The following HTR3C variants were observed in gnomAD, a reference collection of about 807,000 sequenced individuals.
The protein encoded by HTR3C is 5-hydroxytryptamine receptor 3C.
In HTR3C, 32 loss-of-function variants were observed where a neutral mutation model predicts 40.5. The ratio of observed to expected loss-of-function variants is 0.79; its 90% CI spans 0.60 to 1.06. The LOEUF is 1.06. HTR3C is among the 50% of genes least tolerant of loss of function. The probability of loss-of-function intolerance (pLI) is 0.00; values close to 1 mark genes in which losing one functional copy is unlikely to be tolerated. For synonymous variants in HTR3C, 209 were observed against 217.1 expected, an observed-to-expected ratio of 0.96 and a Z score of 0.33; for missense variants, 523 against 556.8, an observed-to-expected ratio of 0.94 and a Z score of 0.61.
chr3:184,055,991 A>AAGGC (rs1462665978), intron 3 of HTR3C, among the ~76,000 whole-genome samples, 186 bp from the exon 4 acceptor site: 1 of 151,162 alleles, frequency 6.6e-6, no homozygotes, highest in Non-Finnish European at 1.5e-5. Context: ...TGCCTGCCAA[A>AAGGC]AGGCTATCAA....
chr3:184,059,680 G>A (rs780001708), intron 7 of HTR3C, 40 bp downstream of exon 7: 27 of 1,608,988 alleles, frequency 1.7e-5, no homozygotes, highest in Middle Eastern at 1.7e-4. Context: ...AAGGGCACCC[G>A]GGGCCAGGGA....
In HTR3C at chr3:184,060,158, G is replaced by A. The variant is rs573763258; in HGVS notation, c.1150G>A (p.Glu384Lys). 13 of 1,613,916 alleles carry A rather than the reference G, an allele frequency of 8.1e-6. No individual in the cohort carries two copies. The African/African-American group carries it at 1.6e-4, about 20-fold the overall frequency. The change falls in exon 9 of 9, where the codon GAG (glutamate) becomes AAG (lysine). Residue 384 changes from glutamate to lysine, a missense_variant. Transcript: ENST00000318351. ...LTLTHLPGPKEPGELAGKKLG... is the reference protein window; with the variant it reads ...LTLTHLPGPKKPGELAGKKLG... ...CTCTGTCCTCTCCACAGGCCCAAAGGAGCCGGGGGAGTTAGCAGGGAAGAA... is the reference window on the plus strand; with the variant it reads ...CTCTGTCCTCTCCACAGGCCCAAAGAAGCCGGGGGAGTTAGCAGGGAAGAA...
chr3:184,053,264 C>A, intron 1 of HTR3C, 117 bp downstream of exon 1: 1 of 742,062 alleles, frequency 1.3e-6, no homozygotes, highest in Non-Finnish European at 2.3e-6. Flanking sequence ...TCCATAATGT[C>A]TGTGTCCTGA....
chr3:184,056,908 T>G lies in HTR3C; in HGVS notation c.423T>G (p.Thr141=). ...MDVDQTPSGL[T]AYISSEGRIK... is the part of the protein sequence containing the mutation. ...TGGATCAGACGCCTTCCGGTCTCAC[T>G]GCCTATATCAGCAGTGAAGGTCGAA... The change falls in exon 5 of 9, where the codon ACT becomes ACG. Residue 141 remains threonine (T), a synonymous_variant. Transcript: ENST00000318351. 3 of 1,612,342 alleles carry G rather than the reference T, an allele frequency of 1.9e-6. No homozygotes were observed. The highest frequency in any genetic ancestry group is 2.5e-6 in the Non-Finnish European group (3 of 1,178,756).
Position 184,056,272 on chromosome 3 carries a change from C to T in HTR3C, c.375C>T (p.Ile125=). 1 of 1,611,974 alleles carries T rather than the reference C, an allele frequency of 6.2e-7. No homozygotes were observed. Among genetic ancestry groups the T allele is most frequent in the Non-Finnish European group, 8.5e-7 (1 of 1,178,012 alleles). Residue 125 remains isoleucine, a synonymous_variant, in exon 4 of 9, where the codon ATC becomes ATT. Transcript: ENST00000318351. The part of the protein sequence containing the change: ...VLAENLWLPD[I]FIVESMDVDQ... The stretch of plus-strand genomic sequence containing the variant: ...CTGAAAACCTGTGGCTCCCAGACAT[C>T]TTCATCGTGGAATCGTGCGTATGCA...
chr3:184,058,615 C>T, intron 6 of HTR3C, 28 bp downstream of exon 6: 5 of 1,597,856 alleles, frequency 3.1e-6, no homozygotes, highest in Non-Finnish European at 3.4e-6. Flanking sequence ...TGTTTGACTT[C>T]TGATCCCAGC....
chr3:184,056,359 T>TG (rs1244767170), intron 4 of HTR3C, 73 bp downstream of exon 4: 1 of 966,926 alleles, frequency 1.0e-6, no homozygotes, highest in Non-Finnish European at 1.7e-6. Context: ...GCACAGGGCA[T>TG]GGGGCCACCG....
At chr3:184,056,420 T>A in intron 4 of HTR3C, 134 bp downstream of exon 4, 1 of 670,556 alleles carries the variant, frequency 1.5e-6, no homozygotes, top group Non-Finnish European at 2.7e-6. Flanking sequence ...CACACATCAC[T>A]ACGAGTAGAA....
intron 2 of HTR3C, 88 bp from the exon 3 acceptor site, chr3:184,055,224 T>G: frequency 1.1e-6 from 1 of 914,400 alleles, no homozygotes; most frequent in Non-Finnish European, 1.8e-6. Context: ...CCTGGCCCAA[T>G]AAATTAGTAA....
chr3:184,057,717 A>G lies in HTR3C; in HGVS notation c.559+673A>G, dbSNP rs568474914. ...ACCACTGCACTCCAGCCTGGGCGAC[A>G]GAGCGAGACTCCGTCTCAAAACAAA... On this transcript the variant is annotated intron_variant, in intron 5 of 8. Transcript: ENST00000318351. Among the ~76,000 whole-genome samples the G allele has an allele frequency of 3.3e-5, 5 of 151,472 alleles. 1 individual carries two copies. The East Asian group carries it at 7.8e-4, about 24-fold the overall frequency.
Position 184,060,211 on chromosome 3 carries a change from T to G in HTR3C, c.1203T>G (p.Asp401Glu). Residue 401 changes from aspartate (D) to glutamate (E), a missense_variant, in exon 9 of 9, where the codon GAT (aspartate) becomes GAG (glutamate). Asp to Glu is a conservative substitution (Grantham distance 45, BLOSUM62 2). Coordinates refer to ENST00000318351, the MANE Select transcript of HTR3C (RefSeq NM_130770.3). ...TGGGACCCAGAGAGACCGAGCCAGA[T>G]GGGGGCTCAGGATGGACAAAGACCC... ...KKLGPRETEP[D>E]GGSGWTKTQL... is the part of the protein sequence containing the mutation. 1 of 1,614,060 alleles carries G rather than the reference T, an allele frequency of 6.2e-7. No homozygotes were observed. The highest frequency in any genetic ancestry group is 2.2e-5 in the East Asian group (1 of 44,872).
Position 184,054,679 on chromosome 3 carries a change from G to A in HTR3C, c.68-42G>A, listed in dbSNP as rs750479834. The A allele has an allele frequency of 4.7e-6, 7 of 1,490,372 alleles. No homozygotes were observed. The South Asian group carries it at 6.8e-5, about 15-fold the overall frequency. 92.3% of individuals were successfully genotyped at this position (1,490,372 alleles called of 1,614,324 possible). ...CTCTCTGCAGAGAGACTCCAGCCCT[G>A]GAAATAGAGTCCCTCTCTCACGGAG... On this transcript the variant is annotated intron_variant, in intron 1 of 8. Transcript: ENST00000318351.
intron 5 of HTR3C, among the ~76,000 whole-genome samples, chr3:184,057,721 C>G (rs1222261413): frequency 6.7e-6 from 1 of 149,804 alleles, no homozygotes; most frequent in South Asian, 2.1e-4. Flanking sequence ...GGCGACAGAG[C>G]GAGACTCCGT....
intron 1 of HTR3C, among the ~76,000 whole-genome samples, chr3:184,053,911 T>C (rs537596579): frequency 1.3e-5 from 2 of 152,166 alleles, no homozygotes; most frequent in Non-Finnish European, 2.9e-5. Flanking sequence ...AGCGCCACTA[T>C]GCCCAGCTAA....
chr3:184,056,162 A>G lies in HTR3C; in HGVS notation c.280-15A>G. Reference sequence around the variant, plus strand: ...TCACCGTCACTCACCTCTGTCCCTCACTGCCCTGATGCAGGTATGGGACAA... The same window carrying G: ...TCACCGTCACTCACCTCTGTCCCTCGCTGCCCTGATGCAGGTATGGGACAA... On this transcript the variant is annotated splice_polypyrimidine_tract_variant and intron_variant, in intron 3 of 8. Transcript: ENST00000318351. 6.4e-7 allele frequency: 1 copy of G among 1,555,232 alleles called. No individual in the cohort carries two copies. The highest frequency in any genetic ancestry group is 8.9e-7 in the Non-Finnish European group (1 of 1,126,368).
rs963414771 is a variant in HTR3C, at chr3:184,054,582, C to T, written c.68-139C>T. ...TACCAGCCCAGCCCATCCTCCCCAA[C>T]CATGGCCTTGGGGAGTCTTGGCATG... On this transcript the variant is annotated intron_variant, in intron 1 of 8. Coordinates refer to ENST00000318351, the MANE Select transcript of HTR3C (RefSeq NM_130770.3). 25 of 648,382 alleles carry T rather than the reference C, an allele frequency of 3.9e-5. No homozygotes were observed. The African/African-American group carries it at 3.9e-4, about 10-fold the overall frequency. 40.2% of individuals were successfully genotyped at this position (648,382 alleles called of 1,614,324 possible).
chr3:184,057,370 G>A (rs1321479532), intron 5 of HTR3C, among the ~76,000 whole-genome samples: 3 of 152,092 alleles, frequency 2.0e-5, no homozygotes, highest in African/African-American at 4.8e-5. Context: ...AGCCAGAGAG[G>A]CTGAGGCTGC....
At chr3:184,060,121 C>A in intron 8 of HTR3C, 29 bp from the exon 9 acceptor site, 2 of 1,608,710 alleles carry the variant, frequency 1.2e-6, no homozygotes, top group East Asian at 2.2e-5. Context: ...CCTTCCCACT[C>A]CATGACTGAG....
chr3:184,059,404 T>C, intron 6 of HTR3C, 32 bp from the exon 7 acceptor site: 2 of 1,597,064 alleles, frequency 1.3e-6, no homozygotes, highest in Non-Finnish European at 1.7e-6. Context: ...CTGACATCTA[T>C]TTATTTGCCA....
Sources: allele counts gnomAD v4.1 joint callset (sites outside exome capture counted in the v4.1 genomes callset), GRCh38; gene constraint gnomAD v4.1.1; transcripts MANE v1.5; gene names NCBI Gene and HGNC (gene_info 2026-07-23, HGNC 2026-07-21).